The following GABRR2 variants were observed in gnomAD, a reference collection of about 807,000 sequenced individuals.
GABRR2 encodes gamma-aminobutyric acid receptor subunit rho-2.
In GABRR2, 36 loss-of-function variants were observed where a neutral mutation model predicts 47.0. The ratio of observed to expected loss-of-function variants is 0.77; its 90% CI spans 0.59 to 1.01. The LOEUF is 1.01. Ranked by LOEUF, GABRR2 falls within the 50% of genes least tolerant of loss-of-function variation. The pLI is 0.00. For missense variants in GABRR2, 587 were observed against 594.6 expected (o/e 0.99, Z 0.13); for synonymous variants, 204 against 227.5 (o/e 0.90, Z 0.93).
chr6:89,310,457 C>T lies in GABRR2; in HGVS notation c.113+4596G>A, dbSNP rs569021604. ...GCATCCCCCTATTCTTCACCCCATC[C>T]CTTAAATGTCAGTGTCCCCAGGACC... is the stretch of plus-strand genomic sequence containing the variant. On this transcript the variant is annotated intron_variant, in intron 1 of 8. Coordinates refer to ENST00000402938, the MANE Select transcript of GABRR2 (RefSeq NM_002043.5). Among the ~76,000 whole-genome samples, 4 of 152,286 alleles carry T rather than the reference C, an allele frequency of 2.6e-5. 1 individual carries two copies. In the South Asian group the frequency reaches 8.3e-4, roughly 32 times the overall value.
intron 2 of GABRR2, among the ~76,000 whole-genome samples, chr6:89,277,780 T>C (rs1372248731): frequency 1.4e-5 from 2 of 146,358 alleles, no homozygotes; most frequent in Non-Finnish European, 3.0e-5. Flanking sequence ...CTAACAAAAG[T>C]GGCTCAAATG....
At chr6:89,302,177 C>T in intron 1 of GABRR2, 1 of 566,094 alleles carries the variant, frequency 1.8e-6, no homozygotes, top group Admixed American at 2.1e-5. Flanking sequence ...GTAGGGTTTC[C>T]AGCTGACCCT....
intron 1 of GABRR2, among the ~76,000 whole-genome samples, chr6:89,314,158 G>T (rs775483396): frequency 2.2e-4 from 33 of 151,922 alleles, no homozygotes; most frequent in Non-Finnish European, 4.9e-4. Context: ...TGACAGCAGC[G>T]CATGTTCAAA....
intron 4 of GABRR2, among the ~76,000 whole-genome samples, chr6:89,268,482 T>C (rs1773961412): frequency 6.6e-6 from 1 of 152,154 alleles, no homozygotes; most frequent in Non-Finnish European, 1.5e-5. Context: ...AGCAATGCAT[T>C]CTGGTGAACT....
At position 89,278,808 on chromosome 6, in the gene GABRR2, T is replaced by A. The variant is rs545780506; in HGVS notation, c.221-7086A>T. On this transcript the variant is annotated intron_variant, in intron 2 of 8. Transcript: ENST00000402938. The stretch of plus-strand genomic sequence containing the variant: ...CTAGTGTGGGGCGGGGAGGTTGGCA[T>A]ATCAATAGAGACCAAGATCTAAGGT... 4.6e-5 allele frequency among the ~76,000 whole-genome samples: 7 copies of A among 152,284 alleles called. No homozygotes were observed. In the South Asian group the frequency reaches 1.5e-3, roughly 32 times the overall value.
intron 2 of GABRR2, among the ~76,000 whole-genome samples, chr6:89,278,226 T>A (rs1774200233): frequency 6.6e-6 from 1 of 152,170 alleles, no homozygotes; most frequent in African/African-American, 2.4e-5. Context: ...TTGAAGATTA[T>A]GTATGTTGGA....
chr6:89,287,876 CACTT>C lies in GABRR2; in HGVS notation c.220+11879_220+11882del, dbSNP rs565310343. ...TGCTAGAGACATCACACAGATTACT[CACTT>C]AATTCTTAGAACTCCCCTCTGAACA... On this transcript the variant is annotated intron_variant, in intron 2 of 8. Coordinates refer to ENST00000402938, the MANE Select transcript of GABRR2 (RefSeq NM_002043.5). Among the ~76,000 whole-genome samples, 541 of 152,352 alleles carry C rather than the reference CACTT, an allele frequency of 3.6e-3. 1 individual carries two copies. Among genetic ancestry groups the C allele is most frequent in the East Asian group, 9.3e-3 (48 of 5,182 alleles).
chr6:89,268,655 A>G (rs1254933388), intron 4 of GABRR2, among the ~76,000 whole-genome samples: 1 of 46,092 alleles, frequency 2.2e-5, no homozygotes, highest in African/African-American at 9.5e-5. Flanking sequence ...TTTTTGGGGG[A>G]CGGGGGGGGG....
chr6:89,286,081 C>G (rs1562374167), intron 2 of GABRR2, among the ~76,000 whole-genome samples: 1 of 152,184 alleles, frequency 6.6e-6, no homozygotes, highest in Non-Finnish European at 1.5e-5. Context: ...GGGCCTATCT[C>G]TGACCCGAAT....
intron 2 of GABRR2, among the ~76,000 whole-genome samples, chr6:89,275,615 C>T (rs1321217259): frequency 6.6e-6 from 1 of 152,110 alleles, no homozygotes; most frequent in African/African-American, 2.4e-5. Flanking sequence ...CAAAACAGGC[C>T]AGGATTGGGG....
intron 2 of GABRR2, among the ~76,000 whole-genome samples, chr6:89,288,554 G>A (rs781452165): frequency 2.6e-5 from 4 of 152,226 alleles, no homozygotes; most frequent in Admixed American, 6.5e-5. Flanking sequence ...AATCCAATTT[G>A]TGAGCAAATA....
At chr6:89,268,597 G>A (rs62416348) in intron 4 of GABRR2, among the ~76,000 whole-genome samples, 11,059 of 150,684 alleles carry the variant, frequency 0.073, 439 homozygotes, top group South Asian at 0.09. Context: ...GTGACTCCCC[G>A]TACTCCAGAA....
chr6:89,271,808 G>C, intron 2 of GABRR2, 86 bp from the exon 3 acceptor site: 3 of 1,103,852 alleles, frequency 2.7e-6, no homozygotes, highest in Admixed American at 3.9e-5. Context: ...CCCCCGGGGA[G>C]CCAGGACTGG....
intron 1 of GABRR2, among the ~76,000 whole-genome samples, chr6:89,304,621 G>A (rs1468490758): frequency 1.3e-5 from 2 of 151,088 alleles, no homozygotes; most frequent in Non-Finnish European, 1.5e-5. Flanking sequence ...GAAAAAAAGT[G>A]GGCAAAGGAC....
intron 1 of GABRR2, among the ~76,000 whole-genome samples, chr6:89,308,699 T>C (rs1462201936): frequency 6.6e-6 from 1 of 152,168 alleles, no homozygotes; most frequent in Non-Finnish European, 1.5e-5. Context: ...CCTGCTTCTC[T>C]TTCTCTCCAT....
chr6:89,271,940 C>T (rs1258558368), intron 2 of GABRR2, among the ~76,000 whole-genome samples: 1 of 152,204 alleles, frequency 6.6e-6, no homozygotes, highest in African/African-American at 2.4e-5. Flanking sequence ...CATCCCTGGG[C>T]CAGGCTGAAT....
chr6:89,291,280 A>C (rs1160699870), intron 2 of GABRR2, among the ~76,000 whole-genome samples: 1 of 151,994 alleles, frequency 6.6e-6, no homozygotes, highest in Non-Finnish European at 1.5e-5. Context: ...CGTGCCCTGC[A>C]TCCAACCTCA....
At chr6:89,297,777 T>G (rs1272878986) in intron 2 of GABRR2, among the ~76,000 whole-genome samples, 2 of 152,120 alleles carry the variant, frequency 1.3e-5, no homozygotes, top group Non-Finnish European at 2.9e-5. Flanking sequence ...CGCTTGAACC[T>G]GAGAGGCAGA....
Position 89,314,989 on chromosome 6 carries a change from C to T in GABRR2, c.113+64G>A. 2.1e-6 allele frequency: 3 copies of T among 1,443,054 alleles called. No homozygotes were observed. In the South Asian group the frequency reaches 3.7e-5, roughly 18 times the overall value. 89.4% of individuals were successfully genotyped at this position (1,443,054 alleles called of 1,614,324 possible). On this transcript the variant is annotated intron_variant, in intron 1 of 8. Coordinates refer to ENST00000402938, the MANE Select transcript of GABRR2 (RefSeq NM_002043.5). ...ACCTTAGCCCCCTGGGGAGCCATCC[C>T]ACTGTGCCACTGCTGCTGCTACTAT...
Sources: allele counts gnomAD v4.1 joint callset (sites outside exome capture counted in the v4.1 genomes callset), GRCh38; gene constraint gnomAD v4.1.1; transcripts MANE v1.5; gene names NCBI Gene and HGNC (gene_info 2026-07-23, HGNC 2026-07-21).